The following WAC variants were observed in gnomAD, a reference collection of about 807,000 sequenced individuals.
WAC encodes WW domain containing adaptor with coiled-coil.
Under a neutral mutation model 79.6 loss-of-function variants are expected in WAC, and 11 were observed. The ratio of observed to expected loss-of-function variants is 0.14; its 90% CI spans 0.09 to 0.23. The LOEUF (loss-of-function observed/expected upper bound fraction) is 0.23. Ranked by LOEUF, WAC falls within the 10% of genes least tolerant of loss-of-function variation. WAC has a pLI of 1.00. For synonymous variants in WAC, 304 were observed against 276.9 expected, an observed-to-expected ratio of 1.10 and a Z score of -0.97; for missense variants, 728 against 773.5, an observed-to-expected ratio of 0.94 and a Z score of 0.70.
chr10:28,598,748 A>G (rs993124038), intron 7 of WAC, among the ~76,000 whole-genome samples: 2 of 152,228 alleles, frequency 1.3e-5, no homozygotes, highest in African/African-American at 4.8e-5. Context: ...CAGCACATCT[A>G]TGTCAGTTCG....
chr10:28,598,055 A>T (rs905622708), intron 7 of WAC, among the ~76,000 whole-genome samples: 1 of 152,170 alleles, frequency 6.6e-6, no homozygotes, highest in Admixed American at 6.6e-5. Flanking sequence ...GGTGCGAGCC[A>T]CCGTACCTGG....
At chr10:28,541,415 G>GTGTTTTTTTTTTTTT (rs1212601285) in intron 3 of WAC, among the ~76,000 whole-genome samples, 1 of 37,904 alleles carries the variant, frequency 2.6e-5, no homozygotes. Flanking sequence ...GTGTGTGTGT[G>GTGTTTTTTTTTTTTT]TTTTGTTTTT....
chr10:28,612,967 A>G (rs1421267186), intron 10 of WAC, among the ~76,000 whole-genome samples: 2 of 152,178 alleles, frequency 1.3e-5, no homozygotes, highest in African/African-American at 4.8e-5. Flanking sequence ...TTTTATAGTC[A>G]CTTGTAAACT....
At chr10:28,564,879 A>C (rs1169647072) in intron 3 of WAC, among the ~76,000 whole-genome samples, 2 of 152,154 alleles carry the variant, frequency 1.3e-5, no homozygotes, top group Admixed American at 6.6e-5. Flanking sequence ...ATTTTGTTCC[A>C]TGCAGGGTTG....
chr10:28,533,934 C>A, intron 1 of WAC, 64 bp from the exon 2 acceptor site: 1 of 1,586,730 alleles, frequency 6.3e-7, no homozygotes, highest in Non-Finnish European at 8.6e-7. Flanking sequence ...GCCCCGTTTT[C>A]TTCCTCCCCG....
intron 6 of WAC, among the ~76,000 whole-genome samples, chr10:28,592,228 AAC>A (rs1420583406): frequency 6.6e-6 from 1 of 152,194 alleles, no homozygotes; most frequent in Non-Finnish European, 1.5e-5. Context: ...ACTTTTGTCA[AAC>A]AATTAAAAAT....
At chr10:28,549,590 C>G (rs1837551621) in intron 3 of WAC, among the ~76,000 whole-genome samples, 1 of 152,156 alleles carries the variant, frequency 6.6e-6, no homozygotes, top group African/African-American at 2.4e-5. Context: ...GACCTGTTGT[C>G]TCATTCTTTA....
intron 10 of WAC, among the ~76,000 whole-genome samples, chr10:28,613,545 T>C (rs562991113): frequency 6.6e-6 from 1 of 152,324 alleles, no homozygotes; most frequent in South Asian, 2.1e-4. Context: ...TGTTCGTTTT[T>C]TGTGTTCCAA....
chr10:28,535,837 C>A, intron 3 of WAC, 80 bp downstream of exon 3: 1 of 1,233,288 alleles, frequency 8.1e-7, no homozygotes, highest in Non-Finnish European at 1.1e-6. Context: ...GTATTTCTAG[C>A]TTGAAGAAGT....
At chr10:28,607,538 ATAT>A (rs1297546347) in intron 7 of WAC, among the ~76,000 whole-genome samples, 1 of 152,160 alleles carries the variant, frequency 6.6e-6, no homozygotes, top group Non-Finnish European at 1.5e-5. Context: ...GTTGTTTTTA[ATAT>A]TAAAGTGTCC....
chr10:28,557,117 C>T (rs780503924), intron 3 of WAC, among the ~76,000 whole-genome samples: 2 of 151,078 alleles, frequency 1.3e-5, no homozygotes, highest in African/African-American at 2.4e-5. Context: ...GTATAAGTCA[C>T]GGTTATTTAA....
intron 4 of WAC, among the ~76,000 whole-genome samples, chr10:28,585,423 CAGCTCT>C (rs2132642234): frequency 6.6e-6 from 1 of 152,262 alleles, no homozygotes; most frequent in Admixed American, 6.5e-5. Context: ...TGCACTGTCC[CAGCTCT>C]AGCATCACAG....
chr10:28,547,537 A>C (rs76722945), intron 3 of WAC, among the ~76,000 whole-genome samples: 1 of 143,748 alleles, frequency 7.0e-6, no homozygotes, highest in African/African-American at 2.5e-5. Flanking sequence ...CTCCATCTCC[A>C]AAAAAAAAAA....
At chr10:28,610,900 G>GT (rs1841207326) in intron 9 of WAC, 79 bp downstream of exon 9, 1 of 1,370,948 alleles carries the variant, frequency 7.3e-7, no homozygotes, top group Non-Finnish European at 9.5e-7. Flanking sequence ...TTTGTATTTA[G>GT]TTTTTTCTTT....
intron 3 of WAC, among the ~76,000 whole-genome samples, chr10:28,550,226 T>G (rs1490139491): frequency 6.6e-6 from 1 of 151,894 alleles, no homozygotes; most frequent in Middle Eastern, 3.4e-3. Context: ...ATTACTCTTT[T>G]CTCAGCCACT....
Position 28,599,746 on chromosome 10 carries a change from A to G in WAC, c.919+3705A>G, listed in dbSNP as rs553984162. On this transcript the variant is annotated intron_variant, in intron 7 of 13. Transcript: ENST00000354911. The stretch of plus-strand genomic sequence containing the variant: ...GCATGAGTAGTCAGAACGGTAGAGA[A>G]AGCTGCAGAGCTCTTTTATTTTTGC... Among the ~76,000 whole-genome samples, 537 of 152,254 alleles carry G rather than the reference A, an allele frequency of 3.5e-3. 1 individual carries two copies. The highest frequency in any genetic ancestry group is 0.012 in the African/African-American group (500 of 41,548).
rs1179147671 is a variant in WAC at position 28,603,971 on chromosome 10, ATATATATATATATATATG to A, written c.920-4199_920-4182del. Among the ~76,000 whole-genome samples the A allele has an allele frequency of 3.0e-3, 300 of 100,000 alleles. 4 individuals carry two copies. The highest frequency in any genetic ancestry group is 6.4e-3 in the African/African-American group (139 of 21,754). The allele number at this position is 100,000 out of a possible 152,430, so 65.6% of individuals were successfully genotyped here. A position where few individuals can be genotyped will look rare whatever the true frequency, so the allele number is the denominator to read the frequency against. ...TATATATGTATGTATGTATATATAT[ATATATATATATATATATG>A]TATATATATATATATTTCTATACTA... On this transcript the variant is annotated intron_variant, in intron 7 of 13. Transcript: ENST00000354911.
chr10:28,535,328 G>C (rs1313283054), intron 2 of WAC: 2 of 372,898 alleles, frequency 5.4e-6, no homozygotes, highest in East Asian at 8.9e-5. Flanking sequence ...ATAAGATAAT[G>C]GAGTGGGTTT....
chr10:28,541,106 A>C (rs79214502), intron 3 of WAC, among the ~76,000 whole-genome samples: 3,467 of 152,250 alleles, frequency 0.023, 143 homozygotes, highest in African/African-American at 0.078. Context: ...TAGATCCTTA[A>C]GACAGTCTTA....
Sources: allele counts gnomAD v4.1 joint callset (sites outside exome capture counted in the v4.1 genomes callset), GRCh38; gene constraint gnomAD v4.1.1; transcripts MANE v1.5; gene names NCBI Gene and HGNC (gene_info 2026-07-23, HGNC 2026-07-21).